UBE2N: variants seen among roughly 807,000 people sequenced by gnomAD.
The protein encoded by UBE2N is ubiquitin conjugating enzyme E2 N, also known as ubiquitin-conjugating enzyme E2 N.
For synonymous variants in UBE2N, 70 were observed against 69.2 expected (o/e 1.01, Z -0.06); for missense variants, 60 against 192.1 (o/e 0.31, Z 4.07).
chr12:93,425,031 A>T (rs1162110346), intron 1 of UBE2N, among the ~76,000 whole-genome samples: 3 of 152,244 alleles, frequency 2.0e-5, no homozygotes, highest in Non-Finnish European at 4.4e-5. Flanking sequence ...ATGGTGAAGC[A>T]GCATCTTTGC....
intron 1 of UBE2N, among the ~76,000 whole-genome samples, chr12:93,439,684 T>C (rs1879042992): frequency 6.6e-6 from 1 of 152,156 alleles, no homozygotes; most frequent in South Asian, 2.1e-4. Context: ...TTGTCACTGA[T>C]TATGGAACAA....
At chr12:93,427,830 GA>G (rs937443012) in intron 1 of UBE2N, among the ~76,000 whole-genome samples, 7 of 152,212 alleles carry the variant, frequency 4.6e-5, no homozygotes, top group Non-Finnish European at 1.0e-4. Flanking sequence ...CGATGAATTA[GA>G]GATTGGAATA....
At chr12:93,420,140 G>A (rs1450098032) in intron 1 of UBE2N, among the ~76,000 whole-genome samples, 4 of 152,198 alleles carry the variant, frequency 2.6e-5, no homozygotes, top group African/African-American at 7.2e-5. Flanking sequence ...CTAAGATTCT[G>A]CGTACCAAAG....
Position 93,409,377 on chromosome 12 carries a change from T to C in UBE2N, c.*662A>G, listed in dbSNP as rs1181978097. On this transcript the variant is annotated 3_prime_UTR_variant, in exon 4 of 4. Transcript: ENST00000318066. ...CAAAGTAGAATAACAAAAAATATTT[T>C]ACTAAAACATAAGATTTACAGAAGT... The C allele has an allele frequency of 1.2e-5, 2 of 165,924 alleles. No individual in the cohort carries two copies. The highest frequency in any genetic ancestry group is 1.3e-4 in the Admixed American group (2 of 15,278). 10.3% of individuals were successfully genotyped at this position (165,924 alleles called of 1,614,324 possible).
At chr12:93,427,653 C>G (rs1490978509) in intron 1 of UBE2N, among the ~76,000 whole-genome samples, 1 of 152,096 alleles carries the variant, frequency 6.6e-6, no homozygotes. Context: ...CAAAAATCTT[C>G]TGGAATTAGC....
chr12:93,436,012 G>C (rs1161459080), intron 1 of UBE2N, among the ~76,000 whole-genome samples: 2 of 152,242 alleles, frequency 1.3e-5, no homozygotes, highest in East Asian at 3.9e-4. Flanking sequence ...AATTCCAGCA[G>C]GTTGACTCAC....
chr12:93,437,885 C>G (rs568660283), intron 1 of UBE2N, among the ~76,000 whole-genome samples: 29 of 152,132 alleles, frequency 1.9e-4, no homozygotes, highest in Non-Finnish European at 3.5e-4. Context: ...CCTTCAGAGC[C>G]TTTCAAATGT....
chr12:93,417,563 C>T (rs1878258327), intron 1 of UBE2N, among the ~76,000 whole-genome samples: 1 of 152,152 alleles, frequency 6.6e-6, no homozygotes, highest in South Asian at 2.1e-4. Flanking sequence ...TGCATCCTGT[C>T]TACAGTGATT....
rs1759594535 is a variant in UBE2N, at chr12:93,405,718, A to G, written c.*4321T>C. 1 of 152,146 alleles carries G rather than the reference A, an allele frequency of 6.6e-6. No individual in the cohort carries two copies. The highest frequency in any genetic ancestry group is 1.5e-5 in the Non-Finnish European group (1 of 68,024). 9.4% of individuals were successfully genotyped at this position (152,146 alleles called of 1,614,324 possible). A position where few individuals can be genotyped will look rare whatever the true frequency, so the allele number is the denominator to read the frequency against. On this transcript the variant is annotated 3_prime_UTR_variant, in exon 4 of 4. Transcript: ENST00000318066. ...TAGATGACAGATTTTTATTATTTAC[A>G]CTTCTCTCAAATTATTACATTCAGC...
chr12:93,410,555 T>A (rs2121054087), intron 3 of UBE2N, 179 bp downstream of exon 3: 1 of 851,918 alleles, frequency 1.2e-6, no homozygotes. Context: ...GTTGTCTTTA[T>A]ATTTGGGGGG....
chr12:93,420,744 C>T (rs1415407378), intron 1 of UBE2N, among the ~76,000 whole-genome samples: 2 of 152,106 alleles, frequency 1.3e-5, no homozygotes, highest in African/African-American at 2.4e-5. Flanking sequence ...CTGACAATGA[C>T]AATGGACAAA....
At position 93,406,050 on chromosome 12, in the gene UBE2N, G is replaced by A. The variant is rs769415405; in HGVS notation, c.*3989C>T. On this transcript the variant is annotated 3_prime_UTR_variant, in exon 4 of 4. Transcript: ENST00000318066. ...TGGGAGGCCGAGGCGGGCAGATCAC[G>A]AGGTCAGGAGATGGAGACCATCCTG... 4 of 151,866 alleles carry A rather than the reference G, an allele frequency of 2.6e-5. No homozygotes were observed. The highest frequency in any genetic ancestry group is 2.9e-5 in the Non-Finnish European group (2 of 67,990). The allele number at this position is 151,866 out of a possible 1,614,324, so 9.4% of individuals were successfully genotyped here.
At chr12:93,418,512 A>C (rs1308263205) in intron 1 of UBE2N, among the ~76,000 whole-genome samples, 1 of 152,066 alleles carries the variant, frequency 6.6e-6, no homozygotes, top group African/African-American at 2.4e-5. Flanking sequence ...ATAATGTCTC[A>C]TTATAGTAAA....
intron 1 of UBE2N, among the ~76,000 whole-genome samples, chr12:93,439,287 G>C (rs1264771689): frequency 1.3e-5 from 2 of 152,190 alleles, no homozygotes; most frequent in Non-Finnish European, 2.9e-5. Context: ...AAGAGTTTGA[G>C]ACCAGCCTGG....
At chr12:93,425,128 C>A (rs1014785555) in intron 1 of UBE2N, among the ~76,000 whole-genome samples, 3 of 152,126 alleles carry the variant, frequency 2.0e-5, no homozygotes, top group Admixed American at 2.0e-4. Context: ...CTTCCAATTA[C>A]CATAGAGCTA....
intron 1 of UBE2N, among the ~76,000 whole-genome samples, chr12:93,421,630 T>C (rs1878414093): frequency 6.6e-6 from 1 of 152,206 alleles, no homozygotes; most frequent in South Asian, 2.1e-4. Flanking sequence ...CATAATGTCA[T>C]AAATTTTTTT....
At chr12:93,421,502 C>G (rs1377589519) in intron 1 of UBE2N, among the ~76,000 whole-genome samples, 3 of 152,164 alleles carry the variant, frequency 2.0e-5, no homozygotes, top group Non-Finnish European at 4.4e-5. Flanking sequence ...CAATTAACTA[C>G]ATAAGCAGTA....
chr12:93,413,674 T>C lies in UBE2N; in HGVS notation c.31-2375A>G, dbSNP rs183963460. 4.9e-4 allele frequency among the ~76,000 whole-genome samples: 74 copies of C among 152,248 alleles called. 1 individual carries two copies. Among genetic ancestry groups the C allele is most frequent in the Admixed American group, 1.8e-3 (28 of 15,294 alleles). On this transcript the variant is annotated intron_variant, in intron 1 of 3. Transcript: ENST00000318066. ...CATATGCCACACACATCTAGCCTGA[T>C]TGGCAAATTGGTTTTTTTTATACTT...
chr12:93,418,187 T>A (rs886293758), intron 1 of UBE2N, among the ~76,000 whole-genome samples: 1 of 152,032 alleles, frequency 6.6e-6, no homozygotes, highest in Admixed American at 6.6e-5. Context: ...CAAGACCCCA[T>A]CTCTGCAAAC....
Sources: allele counts gnomAD v4.1 joint callset (sites outside exome capture counted in the v4.1 genomes callset), GRCh38; gene constraint gnomAD v4.1.1; transcripts MANE v1.5; gene names NCBI Gene and HGNC (gene_info 2026-07-23, HGNC 2026-07-21).